KCNIP4: variants seen among roughly 807,000 people sequenced by gnomAD.
KCNIP4 encodes the protein potassium voltage-gated channel interacting protein 4, also known as Kv channel-interacting protein 4.
Under a neutral mutation model 34.0 loss-of-function variants are expected in KCNIP4, and 12 were observed. The observed-to-expected ratio is 0.35, with a 90% CI of 0.23 to 0.57. KCNIP4 has a LOEUF of 0.57. KCNIP4 is among the 20% of genes least tolerant of loss of function. The probability of loss-of-function intolerance (pLI) is 0.83; values close to 1 mark genes in which losing one functional copy is unlikely to be tolerated. For synonymous variants in KCNIP4, 124 were observed against 102.2 expected (o/e 1.21, Z -1.29); for missense variants, 238 against 311.7 (o/e 0.76, Z 1.78).
intron 1 of KCNIP4, among the ~76,000 whole-genome samples, chr4:21,314,790 C>T (rs1021782618): frequency 2.0e-5 from 3 of 152,168 alleles, no homozygotes; most frequent in Admixed American, 6.5e-5. Context: ...TAGCTGGCTT[C>T]ATCCACTGAA....
intron 1 of KCNIP4, chr4:21,845,386 C>T (rs988251592): frequency 6.6e-6 from 1 of 152,054 alleles, no homozygotes; most frequent in South Asian, 2.1e-4. Flanking sequence ...CAATATTATT[C>T]TTCTTGTAAC....
chr4:21,671,021 T>C (rs933840698), intron 1 of KCNIP4, among the ~76,000 whole-genome samples: 4 of 152,076 alleles, frequency 2.6e-5, no homozygotes, highest in Non-Finnish European at 5.9e-5. Context: ...AATCATTCTC[T>C]TTCTTTTAAT....
At position 21,423,177 on chromosome 4, in the gene KCNIP4, A is replaced by G. The variant is rs142390455; in HGVS notation, c.61+525394T>C. On this transcript the variant is annotated intron_variant, in intron 1 of 8. Coordinates refer to ENST00000382152, the MANE Select transcript of KCNIP4 (RefSeq NM_025221.6). ...AATATTTCTTTTGCACTCAGACGCT[A>G]TCTTAGATAGGTAGGAGGAAAAGCA... Among the ~76,000 whole-genome samples the G allele has an allele frequency of 2.8e-4, 43 of 152,274 alleles. 1 individual carries two copies. The East Asian group carries it at 8.3e-3, about 29-fold the overall frequency.
At position 21,093,651 on chromosome 4, in the gene KCNIP4, T is replaced by C. The variant is rs544122004; in HGVS notation, c.62-210942A>G. Among the ~76,000 whole-genome samples, 37 of 152,294 alleles carry C rather than the reference T, an allele frequency of 2.4e-4. 1 individual carries two copies. The highest frequency in any genetic ancestry group is 1.4e-3 in the East Asian group (7 of 5,174). On this transcript the variant is annotated intron_variant, in intron 1 of 8. Transcript: ENST00000382152. ...TTTCTTAGAGATACCGAGTTACAGA[T>C]ACTATATGGGCTAATGATAACGAAG...
At chr4:21,609,581 A>C (rs958085780) in intron 1 of KCNIP4, among the ~76,000 whole-genome samples, 9 of 152,220 alleles carry the variant, frequency 5.9e-5, no homozygotes, top group African/African-American at 1.9e-4. Flanking sequence ...ACTAGATTTG[A>C]AGGGGATCTT....
chr4:21,638,032 C>T (rs1419762478), intron 1 of KCNIP4, among the ~76,000 whole-genome samples: 1 of 152,156 alleles, frequency 6.6e-6, no homozygotes, highest in Non-Finnish European at 1.5e-5. Flanking sequence ...CTTCCTTCCT[C>T]TCATCCAATT....
chr4:21,529,573 T>C (rs1029736611), intron 1 of KCNIP4, among the ~76,000 whole-genome samples: 1 of 152,158 alleles, frequency 6.6e-6, no homozygotes, highest in African/African-American at 2.4e-5. Flanking sequence ...CAAAGAGGGT[T>C]TGTTATAATA....
At chr4:20,897,433 C>T (rs528284319) in intron 1 of KCNIP4, among the ~76,000 whole-genome samples, 29 of 152,200 alleles carry the variant, frequency 1.9e-4, no homozygotes, top group African/African-American at 3.9e-4. Context: ...TGTGTCCTCA[C>T]GAAACTACTT....
intron 1 of KCNIP4, among the ~76,000 whole-genome samples, chr4:21,821,730 T>TGAAG (rs1234768118): frequency 6.6e-6 from 1 of 152,144 alleles, no homozygotes; most frequent in Non-Finnish European, 1.5e-5. Flanking sequence ...TGATGTTAGA[T>TGAAG]GAATGAATGA....
intron 1 of KCNIP4, among the ~76,000 whole-genome samples, chr4:21,761,573 CA>C (rs1393659378): frequency 6.6e-6 from 1 of 151,036 alleles, no homozygotes; most frequent in Non-Finnish European, 1.5e-5. Flanking sequence ...CTTATGTTCA[CA>C]TAAAAATAAT....
At chr4:20,897,781 C>A (rs1241045940) in intron 1 of KCNIP4, among the ~76,000 whole-genome samples, 1 of 152,188 alleles carries the variant, frequency 6.6e-6, no homozygotes, top group African/African-American at 2.4e-5. Context: ...GCAGTTCTGT[C>A]AGGAGATCTG....
chr4:21,083,051 A>G (rs1378660009), intron 1 of KCNIP4, among the ~76,000 whole-genome samples: 1 of 151,824 alleles, frequency 6.6e-6, no homozygotes, highest in Non-Finnish European at 1.5e-5. Flanking sequence ...GTTTGGATGC[A>G]GGTCTCTTTG....
At position 21,929,648 on chromosome 4, in the gene KCNIP4, C is replaced by A. The variant is rs75225687; in HGVS notation, c.61+18923G>T. ...TAGTTACTCCCAAGAACTGCTCAGT[C>A]TATTCCTTTTCTTTCTCAGCTAAAC... On this transcript the variant is annotated intron_variant, in intron 1 of 8. Coordinates refer to ENST00000382152, the MANE Select transcript of KCNIP4 (RefSeq NM_025221.6). 2.2e-3 allele frequency among the ~76,000 whole-genome samples: 333 copies of A among 152,266 alleles called. 4 individuals carry two copies. The East Asian group carries it at 0.045, about 20-fold the overall frequency.
intron 1 of KCNIP4, among the ~76,000 whole-genome samples, chr4:21,570,184 A>G (rs1467308145): frequency 6.6e-6 from 1 of 152,154 alleles, no homozygotes; most frequent in East Asian, 1.9e-4. Flanking sequence ...TGGAAAATGT[A>G]ATTTTTGGAA....
At chr4:20,788,963 A>G (rs967965739) in intron 3 of KCNIP4, among the ~76,000 whole-genome samples, 27 of 152,268 alleles carry the variant, frequency 1.8e-4, no homozygotes, top group African/African-American at 5.5e-4. Context: ...GCCTCCTTCC[A>G]TAGTGTGCAT....
chr4:20,756,632 G>A (rs1026283340), intron 4 of KCNIP4, among the ~76,000 whole-genome samples: 3 of 151,566 alleles, frequency 2.0e-5, no homozygotes, highest in African/African-American at 4.8e-5. Flanking sequence ...TCTGCAATTT[G>A]GCTTCTGCTT....
At chr4:21,457,065 C>G (rs968889546) in intron 1 of KCNIP4, among the ~76,000 whole-genome samples, 2 of 152,032 alleles carry the variant, frequency 1.3e-5, no homozygotes, top group African/African-American at 2.4e-5. Flanking sequence ...AAAAACATAT[C>G]CATTGTATCT....
In KCNIP4 at chr4:21,191,388, T is replaced by C. The variant is rs79735970; in HGVS notation, c.62-308679A>G. Among the ~76,000 whole-genome samples, 200 of 152,340 alleles carry C rather than the reference T, an allele frequency of 1.3e-3. 1 individual carries two copies. The highest frequency in any genetic ancestry group is 4.4e-3 in the African/African-American group (185 of 41,586). ...CTGGAAAGTATTCATAAATGATCAA[T>C]TGCCTATAGTTTAATGACGGAAGAT... On this transcript the variant is annotated intron_variant, in intron 1 of 8. Coordinates refer to ENST00000382152, the MANE Select transcript of KCNIP4 (RefSeq NM_025221.6).
chr4:21,075,927 G>T (rs1240310211), intron 1 of KCNIP4, among the ~76,000 whole-genome samples: 1 of 152,194 alleles, frequency 6.6e-6, no homozygotes, highest in Non-Finnish European at 1.5e-5. Flanking sequence ...TGAAATTCTG[G>T]GTTGAAAATT....
Sources: gnomAD v4.1 joint callset for allele counts (sites outside exome capture counted in the v4.1 genomes callset) on GRCh38, gnomAD v4.1.1 for gene constraint, MANE v1.5 for transcripts, NCBI Gene and HGNC (gene_info 2026-07-23, HGNC 2026-07-21) for gene names.